SEPTIN2: variants seen among roughly 807,000 people sequenced by gnomAD.
The protein encoded by SEPTIN2 is septin-2.
SEPTIN2 carries 34 observed loss-of-function variants against 46.5 expected under a neutral mutation model. That is an observed-to-expected ratio of 0.73 (90% confidence interval 0.56 to 0.97). SEPTIN2 has a LOEUF of 0.97. Ranked by LOEUF, SEPTIN2 falls within the 50% of genes least tolerant of loss-of-function variation. SEPTIN2 has a pLI of 0.00. For synonymous variants in SEPTIN2, 175 were observed against 153.4 expected, an observed-to-expected ratio of 1.14 and a Z score of -1.04; for missense variants, 347 against 448.4, an observed-to-expected ratio of 0.77 and a Z score of 2.04.
At chr2:241,324,400 T>C (rs918645716) in intron 2 of SEPTIN2, 159 bp downstream of exon 2, 5 of 630,856 alleles carry the variant, frequency 7.9e-6, no homozygotes, top group Non-Finnish European at 1.4e-5. Flanking sequence ...TTTTTTTTTT[T>C]TTTTTGAGAC....
chr2:241,334,027 G>GT (rs60119858), intron 3 of SEPTIN2, among the ~76,000 whole-genome samples: 16,999 of 151,838 alleles, frequency 0.11, 1,192 homozygotes, highest in Non-Finnish European at 0.15. Flanking sequence ...AGGTTTTGGG[G>GT]TTTTTTTTAC....
At chr2:241,342,382 A>G (rs2081366457) in intron 7 of SEPTIN2, among the ~76,000 whole-genome samples, 1 of 149,690 alleles carries the variant, frequency 6.7e-6, no homozygotes, top group Non-Finnish European at 1.5e-5. Flanking sequence ...TTGTGGTGTG[A>G]TTTCCATTTT....
At chr2:241,321,101 A>G (rs2077049327) in intron 1 of SEPTIN2, among the ~76,000 whole-genome samples, 1 of 152,152 alleles carries the variant, frequency 6.6e-6, no homozygotes, top group Non-Finnish European at 1.5e-5. Flanking sequence ...TTTTTATGGT[A>G]GATACATGAC....
intron 11 of SEPTIN2, among the ~76,000 whole-genome samples, chr2:241,348,520 C>T (rs1046791058): frequency 4.6e-5 from 7 of 151,996 alleles, no homozygotes; most frequent in South Asian, 2.1e-4. Flanking sequence ...TGTGAGCCAC[C>T]GTGCCCAGCC....
chr2:241,320,035 C>CT (rs57172363), intron 1 of SEPTIN2, among the ~76,000 whole-genome samples: 24,658 of 152,226 alleles, frequency 0.16, 2,486 homozygotes, highest in East Asian at 0.4. Context: ...TTCCTGGAAT[C>CT]TAATTGCTAG....
At chr2:241,342,534 A>ATTTTTTTTT (rs548033372) in intron 7 of SEPTIN2, among the ~76,000 whole-genome samples, 5 of 86,986 alleles carry the variant, frequency 5.7e-5, no homozygotes, top group Non-Finnish European at 1.1e-4. Flanking sequence ...AGTTTTGTAA[A>ATTTTTTTTT]TTTTTTTTTT....
chr2:241,337,615 G>C, intron 6 of SEPTIN2, 58 bp from the exon 7 acceptor site: 1 of 1,580,778 alleles, frequency 6.3e-7, no homozygotes, highest in Non-Finnish European at 8.6e-7. Context: ...TAATTTGAGA[G>C]AGAAGAGTTT....
chr2:241,323,800 A>G (rs533733023), intron 1 of SEPTIN2, among the ~76,000 whole-genome samples: 1 of 152,362 alleles, frequency 6.6e-6, no homozygotes, highest in South Asian at 2.1e-4. Context: ...CAGAATTATA[A>G]CATTTTCGGA....
intron 7 of SEPTIN2, among the ~76,000 whole-genome samples, chr2:241,338,526 G>A (rs527878442): frequency 8.8e-5 from 13 of 147,354 alleles, no homozygotes; most frequent in Non-Finnish European, 1.6e-4. Context: ...CAGGCAGGAG[G>A]ATCACTTGAG....
chr2:241,332,505 G>C lies in SEPTIN2; in HGVS notation c.131-2621G>C, dbSNP rs111497696. On this transcript the variant is annotated intron_variant, in intron 3 of 12. Transcript: ENST00000391971. Reference sequence around the variant, plus strand: ...AGCCACTAAGAGGCAGGCACTCCAGGTGTCAGCAAGGATGTGAAACAACTG... The same window carrying C: ...AGCCACTAAGAGGCAGGCACTCCAGCTGTCAGCAAGGATGTGAAACAACTG... Among the ~76,000 whole-genome samples the C allele has an allele frequency of 1.0e-3, 155 of 152,304 alleles. 2 individuals carry two copies. Among genetic ancestry groups the C allele is most frequent in the African/African-American group, 3.3e-3 (136 of 41,552 alleles).
At chr2:241,334,516 T>G (rs1559627362) in intron 3 of SEPTIN2, among the ~76,000 whole-genome samples, 1 of 152,120 alleles carries the variant, frequency 6.6e-6, no homozygotes, top group African/African-American at 2.4e-5. Flanking sequence ...CTCAACAAAG[T>G]GAGCGGGAAA....
chr2:241,316,448 C>T (rs745766261), intron 1 of SEPTIN2: 28 of 1,453,056 alleles, frequency 1.9e-5, no homozygotes, highest in African/African-American at 8.6e-5. Context: ...AGCCCCCAAA[C>T]CTCCAAGCCC....
intron 3 of SEPTIN2, among the ~76,000 whole-genome samples, chr2:241,330,274 GGACACAATACTCAGAACCTTCATCAGC>G: frequency 6.6e-6 from 1 of 152,104 alleles, no homozygotes; most frequent in Admixed American, 6.5e-5. Context: ...CAGAAAACAG[GGACACAATACTCAGAACCTTCATCAGC>G]GACACAATGG....
In SEPTIN2 at chr2:241,352,644, A is replaced by G. The variant is rs1340568971; in HGVS notation, c.*707A>G. 1.3e-5 allele frequency: 2 copies of G among 152,256 alleles called. No individual in the cohort carries two copies. The highest frequency in any genetic ancestry group is 1.5e-5 in the Non-Finnish European group (1 of 68,042). 9.4% of individuals were successfully genotyped at this position (152,256 alleles called of 1,614,324 possible). ...CTGATGCTAGGTTGTTTTTAAAACC[A>G]CTATGCAAAGAACTCACCACAAGCC... On this transcript the variant is annotated 3_prime_UTR_variant, in exon 13 of 13. Transcript: ENST00000391971.
rs1203923755 is a variant in SEPTIN2, at chr2:241,336,028, C to T, written c.271C>T (p.Arg91Ter). ...GGCTTCAACTGTTGAAATTGAAGAG[C>T]GAGGGGTCAAGCTACGCCTGACAGT... Reference protein sequence around the residue: ...IEASTVEIEERGVKLRLTVVD... With the variant: ...IEASTVEIEE Residue 91 changes from arginine (R) to a stop codon, truncating the protein, a stop_gained, in exon 5 of 13, where the codon CGA (arginine) becomes TGA (stop). Transcript: ENST00000391971. LOFTEE classifies it high-confidence loss of function. 1.1e-5 allele frequency: 18 copies of T among 1,613,968 alleles called. No individual in the cohort carries two copies. The highest frequency in any genetic ancestry group is 1.4e-5 in the Non-Finnish European group (17 of 1,179,910).
rs76677900 is a variant in SEPTIN2, at chr2:241,323,124, C to T, written c.-17-1092C>T. Among the ~76,000 whole-genome samples, 111 of 151,688 alleles carry T rather than the reference C, an allele frequency of 7.3e-4. 2 individuals carry two copies. The East Asian group carries it at 0.02, about 27-fold the overall frequency. On this transcript the variant is annotated intron_variant, in intron 1 of 12. Coordinates refer to ENST00000391971, the MANE Select transcript of SEPTIN2 (RefSeq NM_004404.5). ...CTTCAAGCAGTCCTGCCTCTGCTTCCCAAACTGCTGGGATTACAGGCGTCA... is the reference window on the plus strand; with the variant it reads ...CTTCAAGCAGTCCTGCCTCTGCTTCTCAAACTGCTGGGATTACAGGCGTCA...
chr2:241,323,174 ATTT>A (rs1189964295), intron 1 of SEPTIN2, among the ~76,000 whole-genome samples: 1 of 140,656 alleles, frequency 7.1e-6, no homozygotes, highest in African/African-American at 2.6e-5. Flanking sequence ...CCACCATCTA[ATTT>A]TTTTTTTTTT....
At chr2:241,316,571 AG>A (rs1002481467) in intron 1 of SEPTIN2, 24 of 1,505,834 alleles carry the variant, frequency 1.6e-5, no homozygotes, top group Middle Eastern at 1.7e-4. Flanking sequence ...GACAGGCAGC[AG>A]GGGGTAGGGT....
At chr2:241,330,481 T>A (rs2149978329) in intron 3 of SEPTIN2, among the ~76,000 whole-genome samples, 1 of 152,304 alleles carries the variant, frequency 6.6e-6, no homozygotes, top group Admixed American at 6.5e-5. Flanking sequence ...AGTTGGAAAG[T>A]CATAACACTA....
Sources: gnomAD v4.1 joint callset for allele counts (sites outside exome capture counted in the v4.1 genomes callset) on GRCh38, gnomAD v4.1.1 for gene constraint, MANE v1.5 for transcripts, NCBI Gene and HGNC (gene_info 2026-07-23, HGNC 2026-07-21) for gene names.